The following CCDC92 variants were observed in gnomAD, a reference collection of about 807,000 sequenced individuals.
The protein encoded by CCDC92 is coiled-coil domain containing 92, also known as coiled-coil domain-containing protein 92.
CCDC92 carries 12 observed loss-of-function variants against 24.9 expected under a neutral mutation model. The ratio of observed to expected loss-of-function variants is 0.48; its 90% CI spans 0.31 to 0.78. CCDC92 has a LOEUF of 0.78. Ranked by LOEUF, CCDC92 falls within the 30% of genes least tolerant of loss-of-function variation. The pLI is 0.05. For synonymous variants in CCDC92, 193 were observed against 196.3 expected (o/e 0.98, Z 0.14); for missense variants, 399 against 439.4 (o/e 0.91, Z 0.82).
At chr12:123,972,445 T>C (rs1286297014) in intron 1 of CCDC92, 84 bp downstream of exon 1, 3 of 150,632 alleles carry the variant, frequency 2.0e-5, no homozygotes, top group Admixed American at 1.3e-4. Context: ...GCCCGGCCCC[T>C]CCGCCCCTGC....
chr12:123,960,379 T>C (rs1956245047), intron 1 of CCDC92, among the ~76,000 whole-genome samples: 1 of 152,208 alleles, frequency 6.6e-6, no homozygotes, highest in Non-Finnish European at 1.5e-5. Context: ...TAAAAAATTA[T>C]CAAGCCACCT....
rs193136567 is a variant in CCDC92, at chr12:123,936,831, G to A, written c.*227C>T. On this transcript the variant is annotated 3_prime_UTR_variant, in exon 5 of 5. Transcript: ENST00000238156. ...ACACGGAGCGGGATCAGAAGCAAGC[G>A]ATTCGGCACACAGGCGTTTGGCCAC... is the stretch of plus-strand genomic sequence containing the variant. 4 of 612,092 alleles carry A rather than the reference G, an allele frequency of 6.5e-6. No individual in the cohort carries two copies. The highest frequency in any genetic ancestry group is 3.7e-5 in the African/African-American group (2 of 54,134). The allele number at this position is 612,092 out of a possible 1,614,324, so 37.9% of individuals were successfully genotyped here. A position where few individuals can be genotyped will look rare whatever the true frequency, so the allele number is the denominator to read the frequency against.
chr12:123,949,359 G>A (rs551066977), intron 1 of CCDC92, among the ~76,000 whole-genome samples: 1 of 152,368 alleles, frequency 6.6e-6, no homozygotes, highest in African/African-American at 2.4e-5. Flanking sequence ...AGAGCCATCC[G>A]CAATCTTACA....
intron 4 of CCDC92, among the ~76,000 whole-genome samples, chr12:123,941,128 G>A (rs1955670568): frequency 6.6e-6 from 1 of 152,234 alleles, no homozygotes; most frequent in South Asian, 2.1e-4. Context: ...GAGAGGACAG[G>A]GAGCGAGGAC....
rs779408921 is a variant in CCDC92, at chr12:123,937,003, A to G, written c.*55T>C. The G allele has an allele frequency of 6.9e-6, 11 of 1,593,474 alleles. No individual in the cohort carries two copies. The highest frequency in any genetic ancestry group is 1.7e-5 in the Admixed American group (1 of 58,636). On this transcript the variant is annotated 3_prime_UTR_variant, in exon 5 of 5. Transcript: ENST00000238156. This position sits in a 1 kb window ranked among gnomAD's most constrained non-coding sequence, Gnocchi z 8.4. ...ATTAAACAGAAAAGGTGTGGCTGAG[A>G]TTTCCCAGTGGTGCTCACAGTGCAT...
In CCDC92 at chr12:123,943,221, C is replaced by T. The variant is rs529075097; in HGVS notation, c.181+126G>A. The T allele has an allele frequency of 9.3e-5, 90 of 972,746 alleles. 1 individual carries two copies. In the South Asian group the frequency reaches 1.2e-3, roughly 13 times the overall value. The allele number at this position is 972,746 out of a possible 1,614,324, so 60.3% of individuals were successfully genotyped here. On this transcript the variant is annotated intron_variant, in intron 3 of 4. Coordinates refer to ENST00000238156, the MANE Select transcript of CCDC92 (RefSeq NM_025140.3). ...ATTATGCAATGAGGATGATATAAGG[C>T]ATTCAGATGGACTCCTGCAACGATG...
chr12:123,960,353 T>G (rs1007908047), intron 1 of CCDC92, among the ~76,000 whole-genome samples: 2 of 152,144 alleles, frequency 1.3e-5, no homozygotes, highest in Non-Finnish European at 2.9e-5. Context: ...ATGGGAAAGC[T>G]CGCAAATAAA....
chr12:123,946,647 A>C (rs1955878787), intron 1 of CCDC92: 1 of 152,302 alleles, frequency 6.6e-6, no homozygotes, highest in Non-Finnish European at 1.5e-5. Flanking sequence ...GGCACCCTGG[A>C]GGCCCACGAA....
intron 1 of CCDC92, among the ~76,000 whole-genome samples, chr12:123,969,055 G>C (rs962646946): frequency 2.6e-5 from 4 of 152,168 alleles, no homozygotes; most frequent in Admixed American, 6.5e-5. Flanking sequence ...ACAGACTGGA[G>C]TCCCCACCTC....
chr12:123,956,729 G>A (rs1956158110), intron 1 of CCDC92, among the ~76,000 whole-genome samples: 1 of 152,184 alleles, frequency 6.6e-6, no homozygotes, highest in Non-Finnish European at 1.5e-5. Context: ...TTACTTTAGG[G>A]CTGTCTTTGC....
chr12:123,944,111 C>G, intron 2 of CCDC92, 161 bp downstream of exon 2: 4 of 613,584 alleles, frequency 6.5e-6, no homozygotes, highest in Non-Finnish European at 1.2e-5. Flanking sequence ...CCCTGCACTT[C>G]ACAGCACTGA....
chr12:123,972,370 G>A (rs958269293), intron 1 of CCDC92, among the ~76,000 whole-genome samples, 159 bp downstream of exon 1: 50 of 152,112 alleles, frequency 3.3e-4, no homozygotes, highest in Non-Finnish European at 5.3e-4. Context: ...TGGGGCAGGA[G>A]GACCCCGTCC....
At chr12:123,961,568 G>A (rs1229731762) in intron 1 of CCDC92, among the ~76,000 whole-genome samples, 2 of 152,176 alleles carry the variant, frequency 1.3e-5, no homozygotes, top group Non-Finnish European at 2.9e-5. Flanking sequence ...GAAAAGTCGA[G>A]ATGGAAAAGA....
chr12:123,952,632 A>C (rs1013738050), intron 1 of CCDC92, among the ~76,000 whole-genome samples: 1 of 152,242 alleles, frequency 6.6e-6, no homozygotes, highest in Admixed American at 6.5e-5. Flanking sequence ...CTACTTGTAC[A>C]TGTATCTAAG....
At position 123,937,155 on chromosome 12, in the gene CCDC92, G is replaced by T; in HGVS notation, c.899C>A (p.Pro300Gln). The T allele has an allele frequency of 6.2e-7, 1 of 1,611,504 alleles. No homozygotes were observed. The highest frequency in any genetic ancestry group is 8.5e-7 in the Non-Finnish European group (1 of 1,179,894). ...CTTCACCTCGGGCTGGGCCTGCGGC[G>T]GGGTGGCGTGGTGGATCCGATGTGC... ...GVAHRIHHAT[P>Q]PQAQPEVKTL... The change falls in exon 5 of 5, where the codon CCG becomes CAG. Residue 300 changes from proline (P) to glutamine (Q), a missense_variant. Transcript: ENST00000238156. The surrounding 1 kb of genome is among the most constrained non-coding windows in gnomAD (Gnocchi z 8.4).
intron 1 of CCDC92, chr12:123,962,798 T>C (rs1442066981): frequency 6.6e-6 from 1 of 152,316 alleles, no homozygotes. Flanking sequence ...GGTGTTTTTT[T>C]TTTCCCTCAG....
chr12:123,959,451 T>C (rs1566172503), intron 1 of CCDC92, among the ~76,000 whole-genome samples: 1 of 152,082 alleles, frequency 6.6e-6, no homozygotes, highest in East Asian at 1.9e-4. Flanking sequence ...ACTACCAGTG[T>C]GCACCACCAC....
At chr12:123,971,421 A>C (rs1411098923) in intron 1 of CCDC92, 1 of 125,476 alleles carries the variant, frequency 8.0e-6, no homozygotes, top group South Asian at 2.2e-4. Context: ...CTTGATGAGC[A>C]AAAAAAAAAA....
intron 1 of CCDC92, chr12:123,962,786 A>G (rs1257764888): frequency 2.0e-5 from 3 of 151,468 alleles, no homozygotes; most frequent in Non-Finnish European, 4.4e-5. Flanking sequence ...CACCATCTAC[A>G]CGGTGTTTTT....
Sources: gnomAD v4.1 joint callset for allele counts (sites outside exome capture counted in the v4.1 genomes callset) on GRCh38, gnomAD v4.1.1 for gene constraint, Gnocchi (gnomAD v3.1) non-coding constraint, MANE v1.5 for transcripts, NCBI Gene and HGNC (gene_info 2026-07-23, HGNC 2026-07-21) for gene names.